The following CNTNAP5 variants were observed in gnomAD, a reference collection of about 807,000 sequenced individuals.
CNTNAP5 encodes the protein contactin associated protein family member 5, also known as contactin-associated protein-like 5.
Under a neutral mutation model 150.2 loss-of-function variants are expected in CNTNAP5, and 72 were observed. The ratio of observed to expected loss-of-function variants is 0.48; its 90% CI spans 0.40 to 0.58. The LOEUF is 0.58. CNTNAP5 is among the 20% of genes least tolerant of loss of function. The pLI is 0.00. For missense variants in CNTNAP5, 1,636 were observed against 1,626.2 expected (o/e 1.01, Z -0.10); for synonymous variants, 672 against 619.8 (o/e 1.08, Z -1.25).
At chr2:124,127,002 G>T (rs1348173700) in intron 1 of CNTNAP5, among the ~76,000 whole-genome samples, 1 of 152,188 alleles carries the variant, frequency 6.6e-6, no homozygotes, top group African/African-American at 2.4e-5. Flanking sequence ...ACTGGCACAA[G>T]ACAGGGATGC....
chr2:124,913,987 T>G, intron 23 of CNTNAP5, 105 bp from the exon 24 acceptor site: 1 of 733,548 alleles, frequency 1.4e-6, no homozygotes, highest in Admixed American at 2.8e-5. Context: ...TTTGTTTTGT[T>G]TTGCTTTCTC....
intron 1 of CNTNAP5, among the ~76,000 whole-genome samples, chr2:124,053,964 T>C (rs914082950): frequency 2.0e-4 from 30 of 152,142 alleles, no homozygotes; most frequent in African/African-American, 6.8e-4. Flanking sequence ...TTGGAACCCA[T>C]GCTGAGGAAT....
chr2:124,712,196 G>A (rs1209423384), intron 13 of CNTNAP5, among the ~76,000 whole-genome samples: 1 of 152,142 alleles, frequency 6.6e-6, no homozygotes, highest in Non-Finnish European at 1.5e-5. Context: ...CTCATGTTGG[G>A]TGGATACATG....
chr2:124,795,996 G>A (rs1412699612), intron 18 of CNTNAP5, among the ~76,000 whole-genome samples: 1 of 151,954 alleles, frequency 6.6e-6, no homozygotes, highest in Non-Finnish European at 1.5e-5. Context: ...TTGGCCAGTG[G>A]TTTTAGATGC....
At chr2:124,671,886 C>T (rs572929321) in intron 13 of CNTNAP5, among the ~76,000 whole-genome samples, 1 of 152,196 alleles carries the variant, frequency 6.6e-6, no homozygotes, top group Non-Finnish European at 1.5e-5. Context: ...GTGATCCTCC[C>T]GCTTTGGCCT....
chr2:124,676,519 A>G (rs974879386), intron 13 of CNTNAP5, among the ~76,000 whole-genome samples: 6 of 152,234 alleles, frequency 3.9e-5, no homozygotes, highest in Admixed American at 2.0e-4. Context: ...AACAAATGCT[A>G]TGGGAATAGG....
chr2:124,707,959 A>C (rs71428158), intron 13 of CNTNAP5, among the ~76,000 whole-genome samples: 24,728 of 152,192 alleles, frequency 0.16, 2,279 homozygotes, highest in East Asian at 0.24. Context: ...AAAAATCACT[A>C]TCAATGATGT....
chr2:124,853,230 C>T lies in CNTNAP5; in HGVS notation c.3218-12076C>T, dbSNP rs917780701. Among the ~76,000 whole-genome samples the T allele has an allele frequency of 2.8e-4, 43 of 152,166 alleles. 1 individual carries two copies. The highest frequency in any genetic ancestry group is 7.3e-5 in the Non-Finnish European group (5 of 68,028). On this transcript the variant is annotated intron_variant, in intron 19 of 23. Coordinates refer to ENST00000682447, the MANE Select transcript of CNTNAP5 (RefSeq NM_001367498.1). ...GAGGGCCATAGTGCTTTGTGTCTTT[C>T]CCTTTAGATCTTATATGTACATTGT...
chr2:124,701,181 C>T (rs1378763847), intron 13 of CNTNAP5, among the ~76,000 whole-genome samples: 1 of 152,052 alleles, frequency 6.6e-6, no homozygotes, highest in Non-Finnish European at 1.5e-5. Context: ...TTTCTACCCT[C>T]CTCTGTCAAC....
At chr2:124,497,055 G>A (rs556075863) in intron 7 of CNTNAP5, among the ~76,000 whole-genome samples, 6 of 152,316 alleles carry the variant, frequency 3.9e-5, no homozygotes, top group African/African-American at 1.2e-4. Flanking sequence ...AAGCAGTGGT[G>A]ACAGCCTGGT....
chr2:124,089,440 C>T (rs1259620806), intron 1 of CNTNAP5, among the ~76,000 whole-genome samples: 1 of 152,124 alleles, frequency 6.6e-6, no homozygotes, highest in Non-Finnish European at 1.5e-5. Flanking sequence ...CTTGCCCCAG[C>T]TCATACAGAT....
Position 124,434,550 on chromosome 2 carries a change from G to A in CNTNAP5, c.596G>A (p.Ser199Asn), listed in dbSNP as rs753948076. Reference protein sequence around the residue: ...LLYRFNQKLMSTLKDVISLKF... With the variant: ...LLYRFNQKLMNTLKDVISLKF... The stretch of plus-strand genomic sequence containing the variant: ...TACAGGTTCAATCAGAAGTTGATGA[G>A]TACTCTCAAAGATGTGATCTCCCTG... The change falls in exon 5 of 24, where the codon AGT becomes AAT. Residue 199 changes from serine to asparagine, a missense_variant. Ser to Asn is a conservative substitution (Grantham distance 46). Coordinates refer to ENST00000682447, the MANE Select transcript of CNTNAP5 (RefSeq NM_001367498.1). 1 of 1,613,980 alleles carries A rather than the reference G, an allele frequency of 6.2e-7. No homozygotes were observed. The highest frequency in any genetic ancestry group is 2.2e-5 in the East Asian group (1 of 44,878).
intron 1 of CNTNAP5, among the ~76,000 whole-genome samples, chr2:124,190,112 A>G (rs1685425282): frequency 6.6e-6 from 1 of 152,152 alleles, no homozygotes. Flanking sequence ...TACAACCTTC[A>G]TATGTTTTGC....
chr2:124,097,315 C>T (rs1200419161), intron 1 of CNTNAP5, among the ~76,000 whole-genome samples: 1 of 152,172 alleles, frequency 6.6e-6, no homozygotes, highest in East Asian at 1.9e-4. Context: ...AAAGCACTGT[C>T]ACACTATCCT....
Position 124,426,204 on chromosome 2 carries a change from T to C in CNTNAP5, c.530-8280T>C, listed in dbSNP as rs930213695. ...TTCTTCTTGAAACGCATCCTGTTTTTTCATGTGCTATCATGCATAGGAATG... is the reference window on the plus strand; with the variant it reads ...TTCTTCTTGAAACGCATCCTGTTTTCTCATGTGCTATCATGCATAGGAATG... On this transcript the variant is annotated intron_variant, in intron 4 of 23. Coordinates refer to ENST00000682447, the MANE Select transcript of CNTNAP5 (RefSeq NM_001367498.1). Among the ~76,000 whole-genome samples, 8 of 152,330 alleles carry C rather than the reference T, an allele frequency of 5.3e-5. No homozygotes were observed. The East Asian group carries it at 1.5e-3, about 29-fold the overall frequency.
intron 1 of CNTNAP5, among the ~76,000 whole-genome samples, chr2:124,155,253 A>G (rs2104640317): frequency 6.6e-6 from 1 of 152,210 alleles, no homozygotes; most frequent in South Asian, 2.1e-4. Context: ...CAAAGCCTGC[A>G]ATAATGCCCT....
intron 10 of CNTNAP5, among the ~76,000 whole-genome samples, chr2:124,547,235 C>G (rs1349515486): frequency 6.6e-6 from 1 of 152,110 alleles, no homozygotes; most frequent in African/African-American, 2.4e-5. Flanking sequence ...GAGGTGACAT[C>G]AGCCACAGGA....
At chr2:124,446,626 A>C in intron 5 of CNTNAP5, 127 bp from the exon 6 acceptor site, 1 of 874,068 alleles carries the variant, frequency 1.1e-6, no homozygotes, top group Non-Finnish European at 1.7e-6. Flanking sequence ...GCACAGTTCC[A>C]GGCCTGTAGG....
At chr2:124,180,608 T>A (rs1216553915) in intron 1 of CNTNAP5, among the ~76,000 whole-genome samples, 1 of 152,138 alleles carries the variant, frequency 6.6e-6, no homozygotes, top group Admixed American at 6.5e-5. Context: ...AGGTTAAAAT[T>A]GCATATAAAT....
Sources: gnomAD v4.1 joint callset for allele counts (sites outside exome capture counted in the v4.1 genomes callset) on GRCh38, gnomAD v4.1.1 for gene constraint, MANE v1.5 for transcripts, NCBI Gene and HGNC (gene_info 2026-07-23, HGNC 2026-07-21) for gene names.